SSBP2: variants seen among roughly 807,000 people sequenced by gnomAD.
The protein encoded by SSBP2 is single stranded DNA binding protein 2.
Under a neutral mutation model 61.8 loss-of-function variants are expected in SSBP2, and 17 were observed. The ratio of observed to expected loss-of-function variants is 0.28; its 90% confidence interval spans 0.19 to 0.41. The LOEUF (loss-of-function observed/expected upper bound fraction) is 0.41. SSBP2 is among the 10% of genes least tolerant of loss of function. The pLI, the probability that SSBP2 is intolerant of heterozygous loss-of-function variation, is 1.00. For missense variants in SSBP2, 310 were observed against 458.7 expected (o/e 0.68, Z 2.96); for synonymous variants, 139 against 141.3 (o/e 0.98, Z 0.12).
chr5:81,638,108 T>C (rs1001415818), intron 2 of SSBP2, among the ~76,000 whole-genome samples: 3 of 46,038 alleles, frequency 6.5e-5, no homozygotes, highest in Non-Finnish European at 1.2e-4. Context: ...TGTTGTGGGG[T>C]GGGGGGAGGG....
At chr5:81,580,214 C>T (rs925469097) in intron 4 of SSBP2, among the ~76,000 whole-genome samples, 1 of 151,942 alleles carries the variant, frequency 6.6e-6, no homozygotes, top group Non-Finnish European at 1.5e-5. Context: ...ACTATTAAGG[C>T]AGAACTATAG....
intron 4 of SSBP2, among the ~76,000 whole-genome samples, chr5:81,599,526 A>G (rs1744134145): frequency 6.6e-6 from 1 of 152,232 alleles, no homozygotes; most frequent in Non-Finnish European, 1.5e-5. Context: ...TCCTAGAGAG[A>G]AAGAGGGAGA....
At chr5:81,743,697 TAAG>T (rs369012854) in intron 1 of SSBP2, among the ~76,000 whole-genome samples, 8 of 152,288 alleles carry the variant, frequency 5.3e-5, no homozygotes, top group African/African-American at 1.9e-4. Context: ...TAATAAGGGA[TAAG>T]AAGATGTCTC....
chr5:81,611,928 AGGGC>A (rs1745489886), intron 4 of SSBP2, among the ~76,000 whole-genome samples: 1 of 152,118 alleles, frequency 6.6e-6, no homozygotes, highest in Non-Finnish European at 1.5e-5. Flanking sequence ...TGTACAACAT[AGGGC>A]ATATGATTAA....
chr5:81,488,010 AATATATATATATATAT>A lies in SSBP2; in HGVS notation c.432+1224_432+1239del, dbSNP rs59039206. ...ATTTCCTTCTTGTTTATGGCCAAAT[AATATATATATATATAT>A]ATATATATATATATATATATATATA... On this transcript the variant is annotated intron_variant, in intron 6 of 16. Coordinates refer to ENST00000320672, the MANE Select transcript of SSBP2 (RefSeq NM_012446.5). Among the ~76,000 whole-genome samples, 72 of 38,930 alleles carry A rather than the reference AATATATATATATATAT, an allele frequency of 1.8e-3. 3 individuals are homozygous for A. Among genetic ancestry groups the A allele is most frequent in the South Asian group, 7.5e-3 (6 of 800 alleles). The allele number at this position is 38,930 out of a possible 152,430, so 25.5% of individuals were successfully genotyped here.
chr5:81,616,843 C>G (rs1339944325), intron 3 of SSBP2, among the ~76,000 whole-genome samples: 1 of 152,172 alleles, frequency 6.6e-6, no homozygotes, highest in East Asian at 1.9e-4. Flanking sequence ...CAGGGGCAGA[C>G]TGACACCTCA....
At chr5:81,725,317 C>T (rs775609410) in intron 1 of SSBP2, among the ~76,000 whole-genome samples, 3 of 151,902 alleles carry the variant, frequency 2.0e-5, no homozygotes, top group Non-Finnish European at 4.4e-5. Context: ...AAATAATATA[C>T]CACTTTACAA....
intron 4 of SSBP2, among the ~76,000 whole-genome samples, chr5:81,557,889 G>A (rs10056236): frequency 0.097 from 14,702 of 152,064 alleles, 822 homozygotes; most frequent in African/African-American, 0.13. Context: ...ATGTCTGATT[G>A]AAATCCAGAC....
chr5:81,527,654 T>C (rs760822818), intron 4 of SSBP2, among the ~76,000 whole-genome samples: 10 of 151,970 alleles, frequency 6.6e-5, no homozygotes, highest in Non-Finnish European at 4.4e-5. Context: ...AGTAGGTTTA[T>C]TGACTTTGTG....
At chr5:81,731,819 T>C (rs1019726070) in intron 1 of SSBP2, among the ~76,000 whole-genome samples, 5 of 150,982 alleles carry the variant, frequency 3.3e-5, no homozygotes, top group African/African-American at 1.2e-4. Flanking sequence ...TATTATAATA[T>C]TGTTATAATA....
At chr5:81,616,498 A>T (rs1346402612) in intron 3 of SSBP2, 1 of 149,690 alleles carries the variant, frequency 6.7e-6, no homozygotes. Context: ...CTGAGATCAA[A>T]CTGCAAGGCG....
upstream of SSBP2, chr5:81,751,245 G>C (rs1033823348): frequency 3.4e-6 from 2 of 594,684 alleles, no homozygotes; most frequent in Admixed American, 2.9e-5. Flanking sequence ...GCGCGGTGGC[G>C]GCTAAGCCTC....
intron 4 of SSBP2, among the ~76,000 whole-genome samples, chr5:81,565,009 C>A (rs1403919814): frequency 1.3e-5 from 2 of 152,224 alleles, no homozygotes. Context: ...ATTCCCACCC[C>A]CATGCCATTG....
At chr5:81,629,411 A>C (rs1241369069) in intron 3 of SSBP2, among the ~76,000 whole-genome samples, 1 of 152,196 alleles carries the variant, frequency 6.6e-6, no homozygotes, top group East Asian at 1.9e-4. Flanking sequence ...AGGACTTCAT[A>C]ATCTGTCCCC....
chr5:81,477,689 A>G (rs1765686677), intron 6 of SSBP2, among the ~76,000 whole-genome samples: 2 of 151,260 alleles, frequency 1.3e-5, no homozygotes. Flanking sequence ...ATAGGATCAT[A>G]TACCTCACTT....
chr5:81,598,230 A>G (rs1743985459), intron 4 of SSBP2, among the ~76,000 whole-genome samples: 1 of 152,064 alleles, frequency 6.6e-6, no homozygotes, highest in Non-Finnish European at 1.5e-5. Context: ...AAATTTTTCA[A>G]AAAGACATAT....
chr5:81,531,084 A>C (rs1399437864), intron 4 of SSBP2, among the ~76,000 whole-genome samples: 1 of 151,860 alleles, frequency 6.6e-6, no homozygotes, highest in Non-Finnish European at 1.5e-5. Context: ...AAAACAAAAC[A>C]AAAATTAGCT....
At chr5:81,588,978 C>A (rs75024821) in intron 4 of SSBP2, among the ~76,000 whole-genome samples, 3,526 of 152,232 alleles carry the variant, frequency 0.023, 54 homozygotes, top group Non-Finnish European at 0.036. Flanking sequence ...GTGGAAAAAA[C>A]TCCTTGAGCC....
intron 4 of SSBP2, among the ~76,000 whole-genome samples, chr5:81,605,802 G>C (rs558246638): frequency 6.6e-6 from 1 of 152,284 alleles, no homozygotes; most frequent in African/African-American, 2.4e-5. Context: ...ACTCACTATA[G>C]ACGCAGAGCT....
Sources: gnomAD v4.1 joint callset for allele counts (sites outside exome capture counted in the v4.1 genomes callset) on GRCh38, gnomAD v4.1.1 for gene constraint, MANE v1.5 for transcripts, NCBI Gene and HGNC (gene_info 2026-07-23, HGNC 2026-07-21) for gene names.